The following CYP3A7 variants were observed in gnomAD, a reference collection of about 807,000 sequenced individuals.
The protein encoded by CYP3A7 is cytochrome P450 3A7.
In CYP3A7, 45 loss-of-function variants were observed where a neutral mutation model predicts 55.2. The ratio of observed to expected loss-of-function variants is 0.82; its 90% CI spans 0.64 to 1.05. The LOEUF (loss-of-function observed/expected upper bound fraction) is 1.05, where lower values mean the gene tolerates loss of function less well. CYP3A7 is among the 50% of genes least tolerant of loss of function. The pLI, the probability that CYP3A7 is intolerant of heterozygous loss-of-function variation, is 0.00. For missense variants in CYP3A7, 548 were observed against 605.3 expected, an observed-to-expected ratio of 0.91 and a Z score of 0.99; for synonymous variants, 180 against 207.4, an observed-to-expected ratio of 0.87 and a Z score of 1.13.
intron 1 of CYP3A7, 25 bp downstream of exon 1, chr7:99,734,998 A>C: frequency 1.2e-6 from 2 of 1,613,898 alleles, no homozygotes; most frequent in South Asian, 2.2e-5. Context: ...GGAAACAGAG[A>C]AGAGGAGCCT....
intron 4 of CYP3A7, among the ~76,000 whole-genome samples, chr7:99,718,943 A>C (rs941077119): frequency 3.3e-5 from 5 of 152,240 alleles, no homozygotes; most frequent in African/African-American, 1.2e-4. Flanking sequence ...TGTAAATCCA[A>C]CAAAACATGC....
intron 2 of CYP3A7, among the ~76,000 whole-genome samples, chr7:99,729,158 G>A (rs1280235599): frequency 1.3e-5 from 2 of 152,024 alleles, no homozygotes; most frequent in Non-Finnish European, 2.9e-5. Context: ...TTAGTCCTCT[G>A]GTACCTGTTT....
intron 12 of CYP3A7, among the ~76,000 whole-genome samples, 191 bp from the exon 13 acceptor site, chr7:99,705,786 A>G (rs554867169): frequency 5.2e-4 from 79 of 152,320 alleles, no homozygotes; most frequent in Non-Finnish European, 9.4e-4. Flanking sequence ...GAGAACATTC[A>G]TCATCTATCA....
chr7:99,720,395 T>C lies in CYP3A7; in HGVS notation c.236A>G (p.Gln79Arg), dbSNP rs756386099. 3 of 1,613,728 alleles carry C rather than the reference T, an allele frequency of 1.9e-6. No individual in the cohort carries two copies. In the South Asian group the frequency reaches 3.3e-5, roughly 18 times the overall value. Residue 79 changes from glutamine to arginine, a missense_variant, in exon 4 of 13, where the codon CAG (glutamine) becomes CGG (arginine). Physicochemically the swap from Gln to Arg is conservative, Grantham distance 43 (BLOSUM62 1). Transcript: ENST00000336374. Reference sequence around the variant, plus strand: ...GGGATCTGTGATAGCCAGCATAGGCTGTTGACAGTCATAAATACTGTGTGG... The same window carrying C: ...GGGATCTGTGATAGCCAGCATAGGCCGTTGACAGTCATAAATACTGTGTGG... ...RKVWGIYDCQ[Q>R]PMLAITDPDM...
chr7:99,735,119 CCT>C lies in CYP3A7; in HGVS notation c.-28_-27del, dbSNP rs1272908628. The C allele has an allele frequency of 2.5e-6, 4 of 1,613,584 alleles. No homozygotes were observed. The highest frequency in any genetic ancestry group is 1.7e-6 in the Non-Finnish European group (2 of 1,179,752). On this transcript the variant is annotated 5_prime_UTR_variant, in exon 1 of 13. Transcript: ENST00000336374. ...CACTACTTTCCTTCCTTATCTCTCT[CCT>C]CTGAGTCTTTTTTTCAGCAGCGTGC...
intron 2 of CYP3A7, among the ~76,000 whole-genome samples, chr7:99,726,636 T>G (rs1319297303): frequency 6.6e-6 from 1 of 152,206 alleles, no homozygotes; most frequent in Non-Finnish European, 1.5e-5. Context: ...GCCACAAGGC[T>G]TCTGGGACAG....
chr7:99,714,776 T>C (rs1813876756), intron 7 of CYP3A7, 94 bp from the exon 8 acceptor site: 3 of 1,561,166 alleles, frequency 1.9e-6, no homozygotes, highest in Non-Finnish European at 2.6e-6. Flanking sequence ...ATCAGAAGAG[T>C]GAAATACATC....
intron 1 of CYP3A7, among the ~76,000 whole-genome samples, chr7:99,731,861 C>T (rs1814641629): frequency 6.6e-6 from 1 of 152,156 alleles, no homozygotes; most frequent in Non-Finnish European, 1.5e-5. Flanking sequence ...GTCAGAGGAT[C>T]TGATTGATTT....
At chr7:99,718,940 C>T (rs1417351632) in intron 4 of CYP3A7, among the ~76,000 whole-genome samples, 1 of 152,124 alleles carries the variant, frequency 6.6e-6, no homozygotes, top group African/African-American at 2.4e-5. Context: ...AGCTGTAAAT[C>T]CAACAAAACA....
At chr7:99,731,239 G>T in intron 1 of CYP3A7, 87 bp from the exon 2 acceptor site, 4 of 1,484,456 alleles carry the variant, frequency 2.7e-6, no homozygotes, top group Non-Finnish European at 3.7e-6. Context: ...GAACTGGAAT[G>T]ATCAGGCAAA....
At chr7:99,710,946 A>G (rs1813726380) in intron 9 of CYP3A7, 54 bp from the exon 10 acceptor site, 2 of 1,612,176 alleles carry the variant, frequency 1.2e-6, no homozygotes, top group Admixed American at 3.3e-5. Context: ...AGGGCATCAC[A>G]GTTTAGATGA....
intron 11 of CYP3A7, among the ~76,000 whole-genome samples, chr7:99,708,789 T>C (rs1445837298): frequency 2.0e-5 from 3 of 152,348 alleles, no homozygotes; most frequent in African/African-American, 4.8e-5. Flanking sequence ...TGGACACTTA[T>C]GACCCATAAG....
In CYP3A7 at chr7:99,707,958, T is replaced by G; in HGVS notation, c.1270A>C (p.Lys424Gln). The G allele has an allele frequency of 6.2e-7, 1 of 1,613,916 alleles. No individual in the cohort carries two copies. The highest frequency in any genetic ancestry group is 8.5e-7 in the Non-Finnish European group (1 of 1,179,828). Residue 424 changes from lysine (K) to glutamine (Q), a missense_variant, in exon 12 of 13, where the codon AAG (lysine) becomes CAG (glutamine). Transcript: ENST00000336374. ...FLPERFSKKN[K>Q]DNIDPYIYTP... Reference sequence around the variant, plus strand: ...TATATGTAAGGATCTATGTTGTCCTTGTTCTTTTTACTGAACCTGGTTCCA... The same window carrying G: ...TATATGTAAGGATCTATGTTGTCCTGGTTCTTTTTACTGAACCTGGTTCCA...
chr7:99,708,851 GTTTTC>G (rs1339684453), intron 11 of CYP3A7, among the ~76,000 whole-genome samples, 179 bp downstream of exon 11: 1 of 152,056 alleles, frequency 6.6e-6, no homozygotes, highest in African/African-American at 2.4e-5. Context: ...ACTGGCTATA[GTTTTC>G]TTTTATCTAG....
In CYP3A7 at chr7:99,730,703, C is replaced by T. The variant is rs545695629; in HGVS notation, c.165+356G>A. 8 of 251,730 alleles carry T rather than the reference C, an allele frequency of 3.2e-5. No homozygotes were observed. The South Asian group carries it at 4.8e-4, about 15-fold the overall frequency. The allele number at this position is 251,730 out of a possible 1,614,324, so 15.6% of individuals were successfully genotyped here. A position where few individuals can be genotyped will look rare whatever the true frequency, so the allele number is the denominator to read the frequency against. ...ACAGATAACAAGCCACAATCAGGGG[C>T]TCCTGTTCCTACTTTTAATACTAAC... is the stretch of plus-strand genomic sequence containing the variant. On this transcript the variant is annotated intron_variant, in intron 2 of 12. Coordinates refer to ENST00000336374, the MANE Select transcript of CYP3A7 (RefSeq NM_000765.5).
At chr7:99,711,749 CAA>C (rs984654038) in intron 9 of CYP3A7, among the ~76,000 whole-genome samples, 2 of 151,780 alleles carry the variant, frequency 1.3e-5, no homozygotes, top group African/African-American at 4.8e-5. Context: ...GCCTGGGCAA[CAA>C]GAGCGAAAAC....
At chr7:99,716,726 G>A (rs1813962939) in intron 6 of CYP3A7, among the ~76,000 whole-genome samples, 4 of 152,070 alleles carry the variant, frequency 2.6e-5, no homozygotes, top group Admixed American at 2.6e-4. Flanking sequence ...TTAATATTTA[G>A]TATTCTACTG....
At chr7:99,732,886 A>G (rs954220563) in intron 1 of CYP3A7, among the ~76,000 whole-genome samples, 6 of 151,594 alleles carry the variant, frequency 4.0e-5, no homozygotes, top group African/African-American at 1.4e-4. Context: ...ATAAGTAACC[A>G]TAAAATGTTC....
At chr7:99,726,729 G>T (rs1242455574) in intron 2 of CYP3A7, among the ~76,000 whole-genome samples, 1 of 152,090 alleles carries the variant, frequency 6.6e-6, no homozygotes, top group Non-Finnish European at 1.5e-5. Context: ...ATATATTGAT[G>T]ACCTTCTACT....
Sources: gnomAD v4.1 joint callset for allele counts (sites outside exome capture counted in the v4.1 genomes callset) on GRCh38, gnomAD v4.1.1 for gene constraint, MANE v1.5 for transcripts, NCBI Gene and HGNC (gene_info 2026-07-23, HGNC 2026-07-21) for gene names.